CHD3: variants seen among roughly 807,000 people sequenced by gnomAD.
The protein encoded by CHD3 is ATP-dependent chromatin remodeler CHD3.
CHD3 carries 52 observed loss-of-function variants against 248.9 expected under a neutral mutation model. The observed-to-expected ratio is 0.21, with a 90% CI of 0.17 to 0.26. CHD3 has a LOEUF of 0.26. Among genes scored for constraint, CHD3 ranks in the 10% least tolerant of loss-of-function variants. The pLI is 1.00. For missense variants in CHD3, 1,482 were observed against 2,605.8 expected (o/e 0.57, Z 9.39); for synonymous variants, 985 against 985.2 (o/e 1.00, Z 0.00).
chr17:7,906,303 T>C lies in CHD3; in HGVS notation c.4359-250T>C. 1.5e-6 allele frequency: 1 copy of C among 679,940 alleles called. No individual in the cohort carries two copies. Among genetic ancestry groups the C allele is most frequent in the Non-Finnish European group, 2.6e-6 (1 of 378,318 alleles). The allele number at this position is 679,940 out of a possible 1,614,324, so 42.1% of individuals were successfully genotyped here. The stretch of plus-strand genomic sequence containing the variant: ...TGGCAGGAGGAGCTGGTGGAAAGGA[T>C]GAAGAGCTGACTGATGGGGCCCAGG... On this transcript the variant is annotated intron_variant, in intron 28 of 39. Transcript: ENST00000330494. The surrounding 1 kb of genome is among the most constrained non-coding windows in gnomAD (Gnocchi z 5.0).
chr17:7,894,088 CACTG>C (rs764276937), intron 6 of CHD3, 23 bp from the exon 7 acceptor site: 408 of 1,577,588 alleles, frequency 2.6e-4, no homozygotes, highest in Non-Finnish European at 3.3e-4. Context: ...AAGTCTGCCT[CACTG>C]ACGGCCACGG....
chr17:7,896,416 T>C lies in CHD3; in HGVS notation c.1708-667T>C, dbSNP rs1285419336. Reference sequence around the variant, plus strand: ...TTTTTCTTTTTTTTTCTATTTTTTTTTTTTTTTAGATGGAGTTTCGCTCTT... The same window carrying C: ...TTTTTCTTTTTTTTTCTATTTTTTTCTTTTTTTAGATGGAGTTTCGCTCTT... On this transcript the variant is annotated intron_variant, in intron 10 of 39. Transcript: ENST00000330494. 4.6e-5 allele frequency among the ~76,000 whole-genome samples: 7 copies of C among 151,240 alleles called. No individual in the cohort carries two copies. In the East Asian group the frequency reaches 1.2e-3, roughly 25 times the overall value.
At position 7,906,899 on chromosome 17, in the gene CHD3, T is replaced by C. The variant is rs1971031885; in HGVS notation, c.4534T>C (p.Trp1512Arg). Residue 1512 changes from tryptophan to arginine, a missense_variant, in exon 30 of 40, where the codon TGG becomes CGG. Physicochemically the swap from Trp to Arg is moderately radical, Grantham distance 101 (BLOSUM62 -3). Transcript: ENST00000330494. This position sits in a 1 kb window ranked among gnomAD's most constrained non-coding sequence, Gnocchi z 5.0. ...GGAGTTTGAGCACATCAATGGGCGT[T>C]GGTCAATGCCGGAACTGATGCCTGA... ...VQEFEHINGR[W>R]SMPELMPDPS... The C allele has an allele frequency of 6.2e-7, 1 of 1,613,980 alleles. No homozygotes were observed. The highest frequency in any genetic ancestry group is 1.3e-5 in the African/African-American group (1 of 74,888).
At chr17:7,894,351 C>T in intron 7 of CHD3, 64 bp from the exon 8 acceptor site, 1 of 1,587,830 alleles carries the variant, frequency 6.3e-7, no homozygotes, top group Non-Finnish European at 8.6e-7. Flanking sequence ...TTCAACCCTT[C>T]TCCCTCTCTC....
rs1347054015 is a variant in CHD3, at chr17:7,905,757, G to A, written c.4224+51G>A. On this transcript the variant is annotated intron_variant, in intron 27 of 39. Transcript: ENST00000330494. This position sits in a 1 kb window ranked among gnomAD's most constrained non-coding sequence, Gnocchi z 5.8. ...AGTTCTCCAAGAGGGCATGAGGGCA[G>A]GAGGTTGGAAGTTGGTGCCTGGATC... 1.2e-6 allele frequency: 2 copies of A among 1,612,972 alleles called. No homozygotes were observed. The highest frequency in any genetic ancestry group is 2.7e-5 in the African/African-American group (2 of 74,888).
intron 13 of CHD3, among the ~76,000 whole-genome samples, 167 bp downstream of exon 13, chr17:7,898,762 G>A (rs1199439775): frequency 6.6e-6 from 1 of 152,204 alleles, no homozygotes; most frequent in Admixed American, 6.5e-5. Context: ...TGGCCTGAAA[G>A]GGCAGGAGCC....
chr17:7,894,374 C>T (rs1271281937), intron 7 of CHD3, 41 bp from the exon 8 acceptor site: 2 of 1,593,364 alleles, frequency 1.3e-6, no homozygotes, highest in Non-Finnish European at 1.7e-6. Context: ...TCCATCTCCC[C>T]CTGCCCTGCT....
Position 7,907,291 on chromosome 17 carries a change from G to T in CHD3, c.4788+44G>T, listed in dbSNP as rs1315789892. 6.2e-7 allele frequency: 1 copy of T among 1,613,594 alleles called. No individual in the cohort carries two copies. The highest frequency in any genetic ancestry group is 8.5e-7 in the Non-Finnish European group (1 of 1,179,752). Reference sequence around the variant, plus strand: ...TCCCCTGTGGAGCGGGAGGGGAGGGGGCTTGGAGGCCAGGTACCTGGGAGC... The same window carrying T: ...TCCCCTGTGGAGCGGGAGGGGAGGGTGCTTGGAGGCCAGGTACCTGGGAGC... On this transcript the variant is annotated intron_variant, in intron 31 of 39. Coordinates refer to ENST00000330494, the MANE Select transcript of CHD3 (RefSeq NM_001005273.3). This position sits in a 1 kb window ranked among gnomAD's most constrained non-coding sequence, Gnocchi z 4.3.
intron 2 of CHD3, chr17:7,890,364 G>A (rs957575794): frequency 3.1e-5 from 13 of 423,362 alleles, no homozygotes; most frequent in Non-Finnish European, 5.0e-5. Context: ...GGGAGGTGGA[G>A]GTTGCAGTGA....
chr17:7,905,998 G>A lies in CHD3; in HGVS notation c.4358+9G>A. The A allele has an allele frequency of 6.2e-7, 1 of 1,613,584 alleles. No homozygotes were observed. The highest frequency in any genetic ancestry group is 8.5e-7 in the Non-Finnish European group (1 of 1,179,724). On this transcript the variant is annotated intron_variant, in intron 28 of 39. Transcript: ENST00000330494. This position sits in a 1 kb window ranked among gnomAD's most constrained non-coding sequence, Gnocchi z 5.8. ...ACTGAGAAGGAGTTTAAGTGAGTGT[G>A]GGTGATACAGGGCTGAGTTGGACGC...
chr17:7,886,282 C>A (rs1192111607), upstream of CHD3, among the ~76,000 whole-genome samples: 1 of 152,252 alleles, frequency 6.6e-6, no homozygotes, highest in Non-Finnish European at 1.5e-5. The surrounding 1 kb of genome is among the most constrained non-coding windows in gnomAD (Gnocchi z 4.2). Flanking sequence ...CCAGCGGTGT[C>A]CCCCTCAGAC....
chr17:7,898,661 A>G, intron 13 of CHD3, 66 bp downstream of exon 13: 1 of 1,168,444 alleles, frequency 8.6e-7, no homozygotes, highest in Non-Finnish European at 1.3e-6. Context: ...TCCAAGGGCT[A>G]CTGATGGAAC....
At position 7,906,005 on chromosome 17, in the gene CHD3, A is replaced by T. The variant is rs1249466529; in HGVS notation, c.4358+16A>T. 2 of 1,613,358 alleles carry T rather than the reference A, an allele frequency of 1.2e-6. No homozygotes were observed. Among genetic ancestry groups the T allele is most frequent in the Non-Finnish European group, 1.7e-6 (2 of 1,179,520 alleles). ...AGGAGTTTAAGTGAGTGTGGGTGAT[A>T]CAGGGCTGAGTTGGACGCAAGGGGA... is the stretch of plus-strand genomic sequence containing the variant. On this transcript the variant is annotated intron_variant, in intron 28 of 39. Coordinates refer to ENST00000330494, the MANE Select transcript of CHD3 (RefSeq NM_001005273.3). This position sits in a 1 kb window ranked among gnomAD's most constrained non-coding sequence, Gnocchi z 5.0.
chr17:7,907,168 C>T lies in CHD3; in HGVS notation c.4709C>T (p.Pro1570Leu), dbSNP rs199768991. The change falls in exon 31 of 40, where the codon CCT (proline) becomes CTT (leucine). Residue 1570 changes from proline (P) to leucine (L), a missense_variant. Pro to Leu is a moderately conservative substitution (Grantham distance 98). This residue lies in a region of CHD3 where 254 missense variants were observed against 266.7 expected (regional missense o/e 0.95). Transcript: ENST00000330494. This position sits in a 1 kb window ranked among gnomAD's most constrained non-coding sequence, Gnocchi z 4.3. Reference sequence around the variant, plus strand: ...GAGAAAGGAGAAGGCATAAGGACACCTCTTGAGAAGGAGGAAGCTGAAAAC... The same window carrying T: ...GAGAAAGGAGAAGGCATAAGGACACTTCTTGAGAAGGAGGAAGCTGAAAAC... Reference protein sequence around the residue: ...PSEKGEGIRTPLEKEEAENQE... With the variant: ...PSEKGEGIRTLLEKEEAENQE... 1.9e-6 allele frequency: 3 copies of T among 1,614,206 alleles called. 1 individual carries two copies. In the South Asian group the frequency reaches 3.3e-5, roughly 18 times the overall value.
At position 7,906,246 on chromosome 17, in the gene CHD3, C is replaced by G. The variant is rs1416065269; in HGVS notation, c.4358+257C>G. 1 of 731,484 alleles carries G rather than the reference C, an allele frequency of 1.4e-6. No individual in the cohort carries two copies. Among genetic ancestry groups the G allele is most frequent in the Non-Finnish European group, 2.5e-6 (1 of 403,898 alleles). The allele number at this position is 731,484 out of a possible 1,614,324, so 45.3% of individuals were successfully genotyped here. On this transcript the variant is annotated intron_variant, in intron 28 of 39. Coordinates refer to ENST00000330494, the MANE Select transcript of CHD3 (RefSeq NM_001005273.3). This position sits in a 1 kb window ranked among gnomAD's most constrained non-coding sequence, Gnocchi z 5.0. ...AAGCAAGGAGCCTCTCCTGGGCTGTCCTAGCCTCACATTTACTTGACCACA... is the reference window on the plus strand; with the variant it reads ...AAGCAAGGAGCCTCTCCTGGGCTGTGCTAGCCTCACATTTACTTGACCACA...
chr17:7,906,442 C>A lies in CHD3; in HGVS notation c.4359-111C>A. 8.9e-7 allele frequency: 1 copy of A among 1,128,164 alleles called. No individual in the cohort carries two copies. The highest frequency in any genetic ancestry group is 1.3e-6 in the Non-Finnish European group (1 of 767,690). 69.9% of individuals were successfully genotyped at this position (1,128,164 alleles called of 1,614,324 possible). On this transcript the variant is annotated intron_variant, in intron 28 of 39. Transcript: ENST00000330494. This position sits in a 1 kb window ranked among gnomAD's most constrained non-coding sequence, Gnocchi z 5.0. ...GAGGCCCAGGGGAGGAGCCCTGGAGCACCTGGGGATTTGGGGGTTTGGGGG... is the reference window on the plus strand; with the variant it reads ...GAGGCCCAGGGGAGGAGCCCTGGAGAACCTGGGGATTTGGGGGTTTGGGGG...
At position 7,907,810 on chromosome 17, in the gene CHD3, A is replaced by G. The variant is rs551755893; in HGVS notation, c.5027-84A>G. 16 of 1,507,446 alleles carry G rather than the reference A, an allele frequency of 1.1e-5. No homozygotes were observed. The highest frequency in any genetic ancestry group is 7.1e-5 in the East Asian group (3 of 41,998). 93.4% of individuals were successfully genotyped at this position (1,507,446 alleles called of 1,614,324 possible). ...TGGGCGGGTAGCTGTTTGAAAGGCC[A>G]GTACAGTACAGTACAGATAGTAGTC... On this transcript the variant is annotated intron_variant, in intron 33 of 39. Transcript: ENST00000330494. The surrounding 1 kb of genome is among the most constrained non-coding windows in gnomAD (Gnocchi z 4.3).
Position 7,904,218 on chromosome 17 carries a change from G to A in CHD3, c.3895-224G>A, listed in dbSNP as rs1157959301. 1.6e-6 allele frequency: 1 copy of A among 622,134 alleles called. No homozygotes were observed. The highest frequency in any genetic ancestry group is 2.8e-6 in the Non-Finnish European group (1 of 355,808). 38.5% of individuals were successfully genotyped at this position (622,134 alleles called of 1,614,324 possible). A position where few individuals can be genotyped will look rare whatever the true frequency, so the allele number is the denominator to read the frequency against. ...TCTGAGACAGTGCAGGAGAAACACTGTCAGAGGGATTAGAGGAGAGATTTA... is the reference window on the plus strand; with the variant it reads ...TCTGAGACAGTGCAGGAGAAACACTATCAGAGGGATTAGAGGAGAGATTTA... On this transcript the variant is annotated intron_variant, in intron 24 of 39. Coordinates refer to ENST00000330494, the MANE Select transcript of CHD3 (RefSeq NM_001005273.3). The surrounding 1 kb of genome is among the most constrained non-coding windows in gnomAD (Gnocchi z 4.4).
chr17:7,905,531 G>A lies in CHD3; in HGVS notation c.4139-90G>A, dbSNP rs1194822374. On this transcript the variant is annotated intron_variant, in intron 26 of 39. Coordinates refer to ENST00000330494, the MANE Select transcript of CHD3 (RefSeq NM_001005273.3). The surrounding 1 kb of genome is among the most constrained non-coding windows in gnomAD (Gnocchi z 5.8). ...TCAAACGTGACAGGAATGTTCCTGT[G>A]TTGTGTATCTTGTGGGAATGGGGTG... 8 of 967,858 alleles carry A rather than the reference G, an allele frequency of 8.3e-6. No homozygotes were observed. The highest frequency in any genetic ancestry group is 1.7e-5 in the African/African-American group (1 of 60,404). The allele number at this position is 967,858 out of a possible 1,614,324, so 60.0% of individuals were successfully genotyped here.
Sources: allele counts gnomAD v4.1 joint callset (sites outside exome capture counted in the v4.1 genomes callset), GRCh38; gene constraint gnomAD v4.1.1; regional missense constraint gnomAD v4.1.1; non-coding constraint Gnocchi (gnomAD v3.1); transcripts MANE v1.5; gene names NCBI Gene and HGNC (gene_info 2026-07-23, HGNC 2026-07-21).